Variants in CD2AP observed in about 807,000 individuals in gnomAD.
The protein encoded by CD2AP is CD2-associated protein.
A neutral mutation model predicts 85.1 loss-of-function variants in CD2AP; 46 were observed. That is an observed-to-expected ratio of 0.54 (90% CI 0.43 to 0.69). CD2AP has a LOEUF of 0.69. CD2AP is among the 30% of genes least tolerant of loss of function. CD2AP has a pLI of 0.00. For synonymous variants in CD2AP, 255 were observed against 252.9 expected, an observed-to-expected ratio of 1.01 and a Z score of -0.08; for missense variants, 769 against 729.5, an observed-to-expected ratio of 1.05 and a Z score of -0.62.
intron 5 of CD2AP, among the ~76,000 whole-genome samples, chr6:47,573,760 A>G (rs1343662731): frequency 6.6e-6 from 1 of 152,208 alleles, no homozygotes. Context: ...GAGTGCTGGG[A>G]TTACAGACGT....
chr6:47,610,744 T>C (rs1769405953), intron 16 of CD2AP, among the ~76,000 whole-genome samples: 1 of 151,502 alleles, frequency 6.6e-6, no homozygotes, highest in South Asian at 2.1e-4. Context: ...AAGATTCTTT[T>C]AGTAGATTCT....
At chr6:47,515,572 C>CA (rs1234807698) in intron 2 of CD2AP, among the ~76,000 whole-genome samples, 3 of 152,176 alleles carry the variant, frequency 2.0e-5, no homozygotes, top group African/African-American at 7.2e-5. Context: ...AACTCTATGA[C>CA]AGGCCAATGC....
At position 47,589,565 on chromosome 6, in the gene CD2AP, C is replaced by CATATATATATATATATAT. The variant is rs1554182282; in HGVS notation, c.1109-6280_1109-6279insATATATATATATATATAT. On this transcript the variant is annotated intron_variant, in intron 11 of 17. Transcript: ENST00000359314. ...ACACATATATATACACACACACACACATATATATATATATATTTGTCAGAG... is the reference window on the plus strand; with the variant it reads ...ACACATATATATACACACACACACACATATATATATATATATATATATATATATATATATTTGTCAGAG... 2.6e-4 allele frequency among the ~76,000 whole-genome samples: 32 copies of CATATATATATATATATAT among 120,978 alleles called. 1 individual carries two copies. Among genetic ancestry groups the CATATATATATATATATAT allele is most frequent in the South Asian group, 1.5e-3 (5 of 3,278 alleles). The allele number at this position is 120,978 out of a possible 152,430, so 79.4% of individuals were successfully genotyped here. A position where few individuals can be genotyped will look rare whatever the true frequency, so the allele number is the denominator to read the frequency against.
chr6:47,554,794 G>C, intron 5 of CD2AP, 28 bp downstream of exon 5: 6 of 1,562,724 alleles, frequency 3.8e-6, no homozygotes, highest in Non-Finnish European at 5.2e-6. Flanking sequence ...ATTTTTAATT[G>C]ATTTAAATAA....
Position 47,609,513 on chromosome 6 carries a change from CAAAAAAAA to C in CD2AP, c.1814+220_1814+227del, listed in dbSNP as rs10580796. 58 of 141,876 alleles carry C rather than the reference CAAAAAAAA, an allele frequency of 4.1e-4. 2 individuals carry two copies. The highest frequency in any genetic ancestry group is 1.7e-3 in the African/African-American group (51 of 30,500). The allele number at this position is 141,876 out of a possible 1,614,324, so 8.8% of individuals were successfully genotyped here. On this transcript the variant is annotated intron_variant, in intron 16 of 17. Transcript: ENST00000359314. ...ACGACATGACAAAACCCCATCTTTG[CAAAAAAAA>C]AAAAAAAAAAGAAAAGAAAAGAAAA...
chr6:47,562,877 A>G, intron 5 of CD2AP: 1 of 774,020 alleles, frequency 1.3e-6, no homozygotes, highest in Non-Finnish European at 2.3e-6. Flanking sequence ...AAGCAACTGT[A>G]GGGGAATGGG....
intron 2 of CD2AP, among the ~76,000 whole-genome samples, chr6:47,531,089 A>C (rs532519744): frequency 1.5e-4 from 23 of 149,350 alleles, no homozygotes; most frequent in South Asian, 4.2e-4. Context: ...ATCTCTACCC[A>C]AAAAAAAAAT....
intron 9 of CD2AP, among the ~76,000 whole-genome samples, chr6:47,580,467 A>C (rs370888468): frequency 8.7e-4 from 3 of 3,442 alleles, no homozygotes; most frequent in Non-Finnish European, 7.4e-3. Flanking sequence ...CAAAACAAAC[A>C]AAAAAAAAAA....
intron 3 of CD2AP, among the ~76,000 whole-genome samples, chr6:47,534,208 A>AG (rs1227048770): frequency 1.3e-5 from 2 of 152,210 alleles, no homozygotes; most frequent in Admixed American, 1.3e-4. Flanking sequence ...TAAATATGTT[A>AG]GGGGAACAAC....
intron 1 of CD2AP, among the ~76,000 whole-genome samples, chr6:47,498,685 A>G (rs1765929057): frequency 6.6e-6 from 1 of 152,146 alleles, no homozygotes; most frequent in Non-Finnish European, 1.5e-5. Context: ...AACTTTAAAA[A>G]CTTTTTAATT....
intron 11 of CD2AP, among the ~76,000 whole-genome samples, chr6:47,593,693 T>C (rs1240829227): frequency 1.3e-5 from 2 of 152,090 alleles, no homozygotes; most frequent in African/African-American, 4.8e-5. Flanking sequence ...AATTGGACTT[T>C]TATACATTAC....
intron 2 of CD2AP, among the ~76,000 whole-genome samples, chr6:47,528,869 T>G (rs1766796911): frequency 6.6e-6 from 1 of 152,236 alleles, no homozygotes; most frequent in Non-Finnish European, 1.5e-5. Flanking sequence ...TTTTTATTGT[T>G]GACTTTTAAT....
intron 11 of CD2AP, among the ~76,000 whole-genome samples, chr6:47,589,454 A>G (rs1768719646): frequency 2.0e-5 from 3 of 151,154 alleles, no homozygotes; most frequent in South Asian, 2.1e-4. Flanking sequence ...ACACAAATAT[A>G]TATACATATA....
intron 5 of CD2AP, among the ~76,000 whole-genome samples, chr6:47,568,962 G>C (rs530183155): frequency 6.6e-6 from 1 of 152,126 alleles, no homozygotes; most frequent in African/African-American, 2.4e-5. Flanking sequence ...CAAGGGAGGA[G>C]AGTTATTCAG....
chr6:47,602,412 G>A (rs1212759670), intron 13 of CD2AP, among the ~76,000 whole-genome samples: 1 of 151,906 alleles, frequency 6.6e-6, no homozygotes, highest in East Asian at 1.9e-4. Flanking sequence ...TAAAGCTTGT[G>A]TGGTCCACAT....
At chr6:47,624,112 T>C in intron 17 of CD2AP, 74 bp from the exon 18 acceptor site, 1 of 1,175,010 alleles carries the variant, frequency 8.5e-7, no homozygotes, top group Non-Finnish European at 1.3e-6. Context: ...GATCACATCT[T>C]AATGACATAG....
chr6:47,610,971 A>ATATATATAT lies in CD2AP; in HGVS notation c.1815-1501_1815-1500insATATATATT. ...GATTTATATATATATATATATATGT[A>ATATATATAT]TTTTTTTTTTTTTTTGAATATAAAA... On this transcript the variant is annotated intron_variant, in intron 16 of 17. Coordinates refer to ENST00000359314, the MANE Select transcript of CD2AP (RefSeq NM_012120.3). 3.2e-4 allele frequency among the ~76,000 whole-genome samples: 36 copies of ATATATATAT among 112,864 alleles called. 1 individual carries two copies. The highest frequency in any genetic ancestry group is 8.5e-4 in the South Asian group (3 of 3,516). The allele number at this position is 112,864 out of a possible 152,430, so 74.0% of individuals were successfully genotyped here. A position where few individuals can be genotyped will look rare whatever the true frequency, so the allele number is the denominator to read the frequency against.
chr6:47,488,364 GACAT>G (rs1765621424), intron 1 of CD2AP, among the ~76,000 whole-genome samples: 1 of 152,076 alleles, frequency 6.6e-6, no homozygotes, highest in East Asian at 1.9e-4. Context: ...TATACTTTGA[GACAT>G]ACTGAGTTGT....
Position 47,478,189 on chromosome 6 carries a change from A to G in CD2AP, c.-56A>G, listed in dbSNP as rs1287766118. On this transcript the variant is annotated 5_prime_UTR_variant, in exon 1 of 18. Coordinates refer to ENST00000359314, the MANE Select transcript of CD2AP (RefSeq NM_012120.3). ...CGCGGGAGCGGCCGCGCGAGCCACC[A>G]CTGGAGGAGGAGGAGGAGGAGCGGA... The G allele has an allele frequency of 3.9e-6, 6 of 1,553,412 alleles. No individual in the cohort carries two copies. Among genetic ancestry groups the G allele is most frequent in the African/African-American group, 1.4e-5 (1 of 73,222 alleles).
Sources: gnomAD v4.1 joint callset for allele counts (sites outside exome capture counted in the v4.1 genomes callset) on GRCh38, gnomAD v4.1.1 for gene constraint, MANE v1.5 for transcripts, NCBI Gene and HGNC (gene_info 2026-07-23, HGNC 2026-07-21) for gene names.